CHSY1: variants seen among roughly 807,000 people sequenced by gnomAD.
CHSY1 encodes chondroitin sulfate synthase 1.
Under a neutral mutation model 59.8 loss-of-function variants are expected in CHSY1, and 13 were observed. That is an observed-to-expected ratio of 0.22 (90% CI 0.14 to 0.35). CHSY1 has a LOEUF of 0.35. Ranked by LOEUF, CHSY1 falls within the 10% of genes least tolerant of loss-of-function variation. The pLI is 1.00. For synonymous variants in CHSY1, 459 were observed against 401.2 expected (o/e 1.14, Z -1.72); for missense variants, 947 against 1,030.6 (o/e 0.92, Z 1.11).
Position 101,176,485 on chromosome 15 carries a change from A to G in CHSY1, c.*903T>C. ...AAGGGTCAAGAAGAGAAAATGCCAA[A>G]TCCTTCTTGAAATTTAATGCCAGGT... On this transcript the variant is annotated 3_prime_UTR_variant, in exon 3 of 3. Coordinates refer to ENST00000254190, the MANE Select transcript of CHSY1 (RefSeq NM_014918.5). 2.5e-6 allele frequency: 1 copy of G among 398,310 alleles called. No homozygotes were observed. The highest frequency in any genetic ancestry group is 4.4e-5 in the Admixed American group (1 of 22,736). The allele number at this position is 398,310 out of a possible 1,614,324, so 24.7% of individuals were successfully genotyped here.
At chr15:101,221,401 A>T (rs2038787712) in intron 2 of CHSY1, among the ~76,000 whole-genome samples, 1 of 152,170 alleles carries the variant, frequency 6.6e-6, no homozygotes. Flanking sequence ...GCTGGGGCAC[A>T]AGAATCTCTT....
chr15:101,180,162 A>G (rs1038488476), intron 2 of CHSY1, among the ~76,000 whole-genome samples: 4 of 152,208 alleles, frequency 2.6e-5, no homozygotes, highest in African/African-American at 9.6e-5. Context: ...AGAAATATAA[A>G]TGGGCACTTT....
chr15:101,250,131 T>C (rs1381658850), intron 1 of CHSY1, among the ~76,000 whole-genome samples: 2 of 152,234 alleles, frequency 1.3e-5, no homozygotes, highest in African/African-American at 4.8e-5. Context: ...AGCAACCAGC[T>C]TAGCCTGGCT....
intron 1 of CHSY1, among the ~76,000 whole-genome samples, chr15:101,236,083 T>C (rs1395831800): frequency 6.6e-6 from 1 of 152,054 alleles, no homozygotes; most frequent in African/African-American, 2.4e-5. Context: ...ATGAGACTAA[T>C]GTATATATTA....
intron 1 of CHSY1, among the ~76,000 whole-genome samples, chr15:101,250,127 C>G (rs2039091978): frequency 6.6e-6 from 1 of 152,198 alleles, no homozygotes; most frequent in Admixed American, 6.5e-5. Flanking sequence ...AAACAGCAAC[C>G]AGCTTAGCCT....
chr15:101,189,287 C>A, intron 2 of CHSY1: 1 of 306,488 alleles, frequency 3.3e-6, no homozygotes, highest in Non-Finnish European at 4.8e-6. Flanking sequence ...TCTCAGCACC[C>A]TCTCCACTCC....
intron 2 of CHSY1, among the ~76,000 whole-genome samples, chr15:101,223,333 G>A (rs1161076758): frequency 2.0e-5 from 3 of 152,168 alleles, no homozygotes; most frequent in Admixed American, 6.5e-5. Flanking sequence ...AAATAAATCC[G>A]GAGTTACAGT....
At chr15:101,229,126 G>A (rs932496012) in intron 2 of CHSY1, among the ~76,000 whole-genome samples, 1 of 152,032 alleles carries the variant, frequency 6.6e-6, no homozygotes, top group African/African-American at 2.4e-5. Context: ...TGGTACACTA[G>A]GTAATAAAAA....
At position 101,178,793 on chromosome 15, in the gene CHSY1, T is replaced by A; in HGVS notation, c.1004A>T (p.His335Leu). 1.9e-6 allele frequency: 3 copies of A among 1,614,240 alleles called. No homozygotes were observed. Among genetic ancestry groups the A allele is most frequent in the Non-Finnish European group, 1.7e-6 (2 of 1,180,048 alleles). ...SELRHRTIQL[H>L]REIVLMSKYS... Reference sequence around the variant, plus strand: ...TTTGCTCATCAGGACAATTTCGCGGTGCAGCTGTATTGTGCGATGGCGGAG... The same window carrying A: ...TTTGCTCATCAGGACAATTTCGCGGAGCAGCTGTATTGTGCGATGGCGGAG... The change falls in exon 3 of 3, where the codon CAC becomes CTC. Residue 335 changes from histidine to leucine, a missense_variant. His to Leu is a moderately conservative substitution (Grantham distance 99). Coordinates refer to ENST00000254190, the MANE Select transcript of CHSY1 (RefSeq NM_014918.5).
intron 2 of CHSY1, among the ~76,000 whole-genome samples, chr15:101,213,163 G>A (rs1009727487): frequency 6.6e-6 from 1 of 152,126 alleles, no homozygotes; most frequent in Non-Finnish European, 1.5e-5. Context: ...GGGCAACCAT[G>A]AATATAAATC....
In CHSY1 at chr15:101,251,408, C is replaced by T. The variant is rs1421037190; in HGVS notation, c.49G>A (p.Val17Ile). The change falls in exon 1 of 3, where the codon GTC (valine) becomes ATC (isoleucine). Residue 17 changes from valine to isoleucine, a missense_variant. Physicochemically the swap from Val to Ile is conservative, Grantham distance 29. Around this residue, in one of 4 missense-constraint regions of CHSY1, gnomAD observed 232 missense variants for 188.5 expected, o/e 1.23. Transcript: ENST00000254190. ...CGCGAGGCCAGCACGAAGCCCAGGACGAGCCCGAGCAGCACGCTGAGCCAG... is the reference window on the plus strand; with the variant it reads ...CGCGAGGCCAGCACGAAGCCCAGGATGAGCCCGAGCAGCACGCTGAGCCAG... The part of the protein sequence containing the change: ...RAWLSVLLGL[V>I]LGFVLASRLV... 20 of 1,145,794 alleles carry T rather than the reference C, an allele frequency of 1.7e-5. No individual in the cohort carries two copies. Among genetic ancestry groups the T allele is most frequent in the Non-Finnish European group, 2.1e-5 (19 of 914,682 alleles). 71.0% of individuals were successfully genotyped at this position (1,145,794 alleles called of 1,614,324 possible). A position where few individuals can be genotyped will look rare whatever the true frequency, so the allele number is the denominator to read the frequency against.
rs553070618 is a variant in CHSY1 at position 101,184,104 on chromosome 15, G to C, written c.817-5124C>G. The stretch of plus-strand genomic sequence containing the variant: ...CAGGGAGGGCGGGCCCCCACGGGAG[G>C]CCTCTACATGACTGACTACTTCTCA... On this transcript the variant is annotated intron_variant, in intron 2 of 2. Coordinates refer to ENST00000254190, the MANE Select transcript of CHSY1 (RefSeq NM_014918.5). 3.1e-3 allele frequency among the ~76,000 whole-genome samples: 465 copies of C among 152,276 alleles called. 4 individuals are homozygous for C. The highest frequency in any genetic ancestry group is 0.011 in the African/African-American group (446 of 41,538).
intron 2 of CHSY1, among the ~76,000 whole-genome samples, chr15:101,231,752 G>A (rs528589868): frequency 6.6e-6 from 1 of 152,310 alleles, no homozygotes; most frequent in Non-Finnish European, 1.5e-5. Context: ...AAAATGAATA[G>A]GTTACTTAAG....
intron 2 of CHSY1, among the ~76,000 whole-genome samples, chr15:101,196,852 C>T (rs924475939): frequency 6.6e-6 from 1 of 152,148 alleles, no homozygotes; most frequent in Admixed American, 6.5e-5. Flanking sequence ...AGCAAGACCT[C>T]ATTTGTATTT....
chr15:101,241,943 T>C (rs2039007126), intron 1 of CHSY1, among the ~76,000 whole-genome samples: 1 of 152,252 alleles, frequency 6.6e-6, no homozygotes, highest in Admixed American at 6.5e-5. Context: ...TACCCTCCTG[T>C]ATACTTTAAA....
intron 2 of CHSY1, among the ~76,000 whole-genome samples, chr15:101,199,453 AGATTGTGCTACTGCACTCC>A (rs1414503605): frequency 6.6e-6 from 1 of 152,230 alleles, no homozygotes; most frequent in African/African-American, 2.4e-5. Context: ...CAGTGAGCCG[AGATTGTGCTACTGCACTCC>A]AGCCTGGGCG....
At chr15:101,236,420 T>G (rs983199894) in intron 1 of CHSY1, among the ~76,000 whole-genome samples, 3 of 152,198 alleles carry the variant, frequency 2.0e-5, no homozygotes, top group Non-Finnish European at 4.4e-5. Flanking sequence ...GTTTCCCTTT[T>G]TGCTTGGCTC....
intron 2 of CHSY1, among the ~76,000 whole-genome samples, chr15:101,204,383 G>A (rs118054132): frequency 0.063 from 9,567 of 151,364 alleles, 687 homozygotes; most frequent in East Asian, 0.35. Flanking sequence ...GCAGTGAGTC[G>A]AGATCGTGCC....
At position 101,188,040 on chromosome 15, in the gene CHSY1, G is replaced by C. The variant is rs1451625040; in HGVS notation, c.817-9060C>G. 11 of 985,310 alleles carry C rather than the reference G, an allele frequency of 1.1e-5. 1 individual carries two copies. Among genetic ancestry groups the C allele is most frequent in the Non-Finnish European group, 1.3e-5 (11 of 829,944 alleles). 61.0% of individuals were successfully genotyped at this position (985,310 alleles called of 1,614,324 possible). A position where few individuals can be genotyped will look rare whatever the true frequency, so the allele number is the denominator to read the frequency against. Reference sequence around the variant, plus strand: ...ATGTCCTTCTTGTCCGCTGCAAGGAGAGCCAACATTCTCATTAAGTCCTCG... The same window carrying C: ...ATGTCCTTCTTGTCCGCTGCAAGGACAGCCAACATTCTCATTAAGTCCTCG... On this transcript the variant is annotated intron_variant, in intron 2 of 2. Transcript: ENST00000254190.
Sources: allele counts gnomAD v4.1 joint callset (sites outside exome capture counted in the v4.1 genomes callset), GRCh38; gene constraint gnomAD v4.1.1; regional missense constraint gnomAD v4.1.1; transcripts MANE v1.5; gene names NCBI Gene and HGNC (gene_info 2026-07-23, HGNC 2026-07-21).